Variants in SPATS2L observed in about 807,000 individuals in gnomAD.
The protein encoded by SPATS2L is spermatogenesis associated serine rich 2 like.
In SPATS2L, 30 loss-of-function variants were observed where a neutral mutation model predicts 59.6. The ratio of observed to expected loss-of-function variants is 0.50; its 90% CI spans 0.38 to 0.68. The LOEUF is 0.68. Among genes scored for constraint, SPATS2L ranks in the 30% least tolerant of loss-of-function variants. The pLI is 0.00. For missense variants in SPATS2L, 615 were observed against 700.0 expected, an observed-to-expected ratio of 0.88 and a Z score of 1.37; for synonymous variants, 252 against 263.5, an observed-to-expected ratio of 0.96 and a Z score of 0.42.
chr2:200,416,481 GGTT>G (rs1187652227), intron 5 of SPATS2L, 53 bp downstream of exon 5: 1 of 1,070,106 alleles, frequency 9.3e-7, no homozygotes, highest in Non-Finnish European at 1.3e-6. Context: ...AAACCTTCAT[GGTT>G]GTTATCATTT....
chr2:200,478,039 G>C lies in SPATS2L; in HGVS notation c.*8G>C. 6.5e-7 allele frequency: 1 copy of C among 1,530,382 alleles called. No individual in the cohort carries two copies. Among genetic ancestry groups the C allele is most frequent in the Non-Finnish European group, 8.8e-7 (1 of 1,140,772 alleles). 94.8% of individuals were successfully genotyped at this position (1,530,382 alleles called of 1,614,324 possible). ...GTGACGTTGGTGGCCTGAGCTAGGA[G>C]GAAAAAGAGCAGTTTTCACTCAGTT... On this transcript the variant is annotated 3_prime_UTR_variant, in exon 13 of 13. Transcript: ENST00000409140.
At chr2:200,352,857 GA>G (rs1378121933) in intron 2 of SPATS2L, among the ~76,000 whole-genome samples, 2 of 152,014 alleles carry the variant, frequency 1.3e-5, no homozygotes, top group Non-Finnish European at 2.9e-5. Flanking sequence ...ATGTATGAGG[GA>G]AAAAAATGAG....
At chr2:200,467,434 C>T (rs1247466512) in intron 10 of SPATS2L, 35 bp downstream of exon 10, 1 of 1,436,088 alleles carries the variant, frequency 7.0e-7, no homozygotes, top group African/African-American at 1.4e-5. Flanking sequence ...GAACCCTGAG[C>T]CAGAGAGCTG....
chr2:200,318,460 TA>T (rs1318597590), intron 1 of SPATS2L, among the ~76,000 whole-genome samples: 1 of 152,200 alleles, frequency 6.6e-6, no homozygotes, highest in African/African-American at 2.4e-5. Flanking sequence ...ATAATGGCAT[TA>T]AAAATGTTAT....
intron 9 of SPATS2L, among the ~76,000 whole-genome samples, chr2:200,465,931 C>G (rs1035948161): frequency 1.3e-5 from 2 of 152,160 alleles, no homozygotes; most frequent in African/African-American, 4.8e-5. Flanking sequence ...ACCCAGGAGG[C>G]TGACGCAGGA....
intron 12 of SPATS2L, among the ~76,000 whole-genome samples, chr2:200,474,365 G>A (rs537923648): frequency 6.9e-6 from 1 of 145,660 alleles, no homozygotes; most frequent in East Asian, 2.0e-4. Context: ...TCTTTTTTTT[G>A]GCACAATCTC....
intron 2 of SPATS2L, among the ~76,000 whole-genome samples, chr2:200,352,153 G>C (rs1288019400): frequency 1.3e-5 from 2 of 151,878 alleles, no homozygotes; most frequent in African/African-American, 2.4e-5. Context: ...AAAAAAGGTA[G>C]TGCTGTATTT....
chr2:200,457,291 T>C (rs2085912558), intron 8 of SPATS2L, among the ~76,000 whole-genome samples: 1 of 151,786 alleles, frequency 6.6e-6, no homozygotes, highest in South Asian at 2.1e-4. Context: ...GTTTGTGAAC[T>C]TGGCAGAGAA....
intron 8 of SPATS2L, among the ~76,000 whole-genome samples, chr2:200,452,850 A>G (rs941491974): frequency 6.6e-6 from 1 of 151,964 alleles, no homozygotes; most frequent in Admixed American, 6.6e-5. Context: ...TGTTAAACCC[A>G]ATAAATCTTT....
At chr2:200,441,238 A>G (rs1466538720) in intron 8 of SPATS2L, among the ~76,000 whole-genome samples, 1 of 152,204 alleles carries the variant, frequency 6.6e-6, no homozygotes, top group East Asian at 1.9e-4. Context: ...GGTATCTTTA[A>G]GACTAGAATT....
chr2:200,310,771 C>T (rs1369114088), intron 1 of SPATS2L, among the ~76,000 whole-genome samples: 1 of 152,196 alleles, frequency 6.6e-6, no homozygotes, highest in African/African-American at 2.4e-5. Flanking sequence ...TCTCACTGCC[C>T]TTCTAAGATG....
At chr2:200,470,930 ACT>A (rs1319777573) in intron 11 of SPATS2L, among the ~76,000 whole-genome samples, 1 of 151,986 alleles carries the variant, frequency 6.6e-6, no homozygotes, top group African/African-American at 2.4e-5. Context: ...TTAAAATAAC[ACT>A]CTGATCACCT....
intron 2 of SPATS2L, among the ~76,000 whole-genome samples, chr2:200,385,799 T>A (rs1157132960): frequency 1.3e-5 from 2 of 152,064 alleles, no homozygotes; most frequent in Non-Finnish European, 2.9e-5. Context: ...TTCACGCCAT[T>A]CTCCTGCCTC....
intron 6 of SPATS2L, among the ~76,000 whole-genome samples, chr2:200,429,537 G>T (rs1342767480): frequency 2.0e-5 from 3 of 152,220 alleles, no homozygotes; most frequent in African/African-American, 7.2e-5. Context: ...TTGCCAGAGG[G>T]TGTAGATGGA....
At chr2:200,388,139 A>G (rs924337977) in intron 2 of SPATS2L, among the ~76,000 whole-genome samples, 4 of 152,322 alleles carry the variant, frequency 2.6e-5, no homozygotes, top group East Asian at 3.9e-4. Context: ...TCAATCTGGA[A>G]TGTTGCTCAT....
intron 6 of SPATS2L, among the ~76,000 whole-genome samples, chr2:200,435,957 A>G (rs544045384): frequency 2.6e-5 from 4 of 152,304 alleles, no homozygotes; most frequent in African/African-American, 9.6e-5. Flanking sequence ...TTAAAGTAAT[A>G]TTTTAAATTT....
chr2:200,452,835 A>G lies in SPATS2L; in HGVS notation c.789-6934A>G, dbSNP rs2085558378. 2.0e-5 allele frequency among the ~76,000 whole-genome samples: 3 copies of G among 152,194 alleles called. No individual in the cohort carries two copies. In the South Asian group the frequency reaches 6.2e-4, roughly 32 times the overall value. ...GCAGGGTTTTATATGTTTACCAAAT[A>G]ACACTGTTAAACCCAATAAATCTTT... On this transcript the variant is annotated intron_variant, in intron 8 of 12. Coordinates refer to ENST00000409140, the MANE Select transcript of SPATS2L (RefSeq NM_001100423.2).
In SPATS2L at chr2:200,480,664, C is replaced by G. The variant is rs1259914579; in HGVS notation, c.*2633C>G. 1.3e-5 allele frequency: 2 copies of G among 152,318 alleles called. No homozygotes were observed. Among genetic ancestry groups the G allele is most frequent in the Non-Finnish European group, 1.5e-5 (1 of 68,054 alleles). The allele number at this position is 152,318 out of a possible 1,614,324, so 9.4% of individuals were successfully genotyped here. On this transcript the variant is annotated 3_prime_UTR_variant, in exon 13 of 13. Transcript: ENST00000409140. ...AGAATTACAGGCATGAGCCACCTCGCCTGGCTGGTTTTTGCCTTTCTTATA... is the reference window on the plus strand; with the variant it reads ...AGAATTACAGGCATGAGCCACCTCGGCTGGCTGGTTTTTGCCTTTCTTATA...
Position 200,467,290 on chromosome 2 carries a change from T to C in SPATS2L, c.848T>C (p.Met283Thr), listed in dbSNP as rs2086668683. 1.2e-6 allele frequency: 2 copies of C among 1,610,658 alleles called. No individual in the cohort carries two copies. Among genetic ancestry groups the C allele is most frequent in the African/African-American group, 2.7e-5 (2 of 74,956 alleles). The change falls in exon 10 of 13, where the codon ATG (methionine) becomes ACG (threonine). Residue 283 changes from methionine to threonine, a missense_variant and splice_region_variant. This residue lies in a region of SPATS2L where 104 missense variants were observed against 162.5 expected (regional missense o/e 0.64). Transcript: ENST00000409140. ...TGTATGACTCCTCCTTATTTGGCAG[T>C]GGAAATCCTGACTGCTCGTCAGAAG... ...AEMDKVKEEAMEILTARQKKA... is the reference protein window; with the variant it reads ...AEMDKVKEEATEILTARQKKA...
Sources: allele counts gnomAD v4.1 joint callset (sites outside exome capture counted in the v4.1 genomes callset), GRCh38; gene constraint gnomAD v4.1.1; regional missense constraint gnomAD v4.1.1; transcripts MANE v1.5; gene names NCBI Gene and HGNC (gene_info 2026-07-23, HGNC 2026-07-21).